KIF9: variants seen among roughly 807,000 people sequenced by gnomAD.
KIF9 encodes kinesin family member 9.
A neutral mutation model predicts 94.8 loss-of-function variants in KIF9; 68 were observed. The ratio of observed to expected loss-of-function variants is 0.72; its 90% CI spans 0.59 to 0.88. The LOEUF (loss-of-function observed/expected upper bound fraction) is 0.88. Among genes scored for constraint, KIF9 ranks in the 40% least tolerant of loss-of-function variants. The probability of loss-of-function intolerance (pLI) is 0.00; values close to 1 mark genes in which losing one functional copy is unlikely to be tolerated. For synonymous variants in KIF9, 343 were observed against 362.1 expected, an observed-to-expected ratio of 0.95 and a Z score of 0.60; for missense variants, 882 against 982.5, an observed-to-expected ratio of 0.90 and a Z score of 1.37.
intron 5 of KIF9, among the ~76,000 whole-genome samples, chr3:47,269,272 CACTTG>C (rs1302943922): frequency 6.6e-6 from 1 of 152,172 alleles, no homozygotes; most frequent in Admixed American, 6.5e-5. Flanking sequence ...GAATAACATA[CACTTG>C]ACTGATTTCT....
Position 47,265,745 on chromosome 3 carries a change from G to C in KIF9, c.901C>G (p.Leu301Val). ...PFRQCKLTHA[L>V]KDSLGGNCNM... ...ACCCCCTCACCTAACGAGTCCTTCA[G>C]AGCGTGGGTGAGCTTGCACTGCCGA... Residue 301 changes from leucine to valine, a missense_variant, in exon 8 of 21, where the codon CTG becomes GTG. Coordinates refer to ENST00000684063, the MANE Select transcript of KIF9 (RefSeq NM_182902.4). 6.2e-7 allele frequency: 1 copy of C among 1,614,186 alleles called. No homozygotes were observed. Among genetic ancestry groups the C allele is most frequent in the Non-Finnish European group, 8.5e-7 (1 of 1,180,026 alleles).
chr3:47,281,003 G>A, intron 1 of KIF9: 1 of 703,044 alleles, frequency 1.4e-6, no homozygotes, highest in Non-Finnish European at 2.6e-6. Context: ...GTGGGTTTCA[G>A]TTCCCAAAAT....
rs144401798 is a variant in KIF9, at chr3:47,277,306, C to A, written c.69G>T (p.Met23Ile). Residue 23 changes from methionine to isoleucine, a missense_variant, in exon 2 of 21, where the codon ATG becomes ATT. Met to Ile is a conservative substitution (Grantham distance 10). Transcript: ENST00000684063. ...CTCTTTTGTCATCTCCGTATCTGAT[C>A]ATTTCATGAGCAAAGTCATCGGTGG... is the stretch of plus-strand genomic sequence containing the variant. ...VKPTDDFAHE[M>I]IRYGDDKRSI... 3 of 1,613,832 alleles carry A rather than the reference C, an allele frequency of 1.9e-6. No homozygotes were observed. The highest frequency in any genetic ancestry group is 1.3e-5 in the African/African-American group (1 of 74,892).
At chr3:47,246,137 T>C (rs1032153398) in intron 13 of KIF9, 60 bp downstream of exon 13, 192 of 1,483,810 alleles carry the variant, frequency 1.3e-4, no homozygotes, top group Non-Finnish European at 2.2e-5. Context: ...AGTGCCCAGA[T>C]GGCAGGAGAT....
chr3:47,247,900 C>G (rs921964743), intron 11 of KIF9, 118 bp downstream of exon 11: 1 of 808,844 alleles, frequency 1.2e-6, no homozygotes, highest in African/African-American at 1.7e-5. Flanking sequence ...TGAGCCTGCC[C>G]CCCAACCCCG....
intron 1 of KIF9, among the ~76,000 whole-genome samples, 182 bp from the exon 2 acceptor site, chr3:47,277,561 T>C (rs1702060337): frequency 6.6e-6 from 1 of 152,164 alleles, no homozygotes; most frequent in African/African-American, 2.4e-5. Context: ...AAGACACTGC[T>C]CAACAAATAC....
intron 9 of KIF9, among the ~76,000 whole-genome samples, chr3:47,261,750 C>G (rs1700987237): frequency 6.6e-6 from 1 of 152,194 alleles, no homozygotes; most frequent in Non-Finnish European, 1.5e-5. Flanking sequence ...TGTATATGCG[C>G]TCTGTACAGA....
intron 1 of KIF9, among the ~76,000 whole-genome samples, chr3:47,280,450 T>C (rs914358392): frequency 1.3e-5 from 2 of 152,236 alleles, no homozygotes; most frequent in South Asian, 4.1e-4. Context: ...CTCACGCCTG[T>C]AATCCCAGCC....
rs1237372461 is a variant in KIF9 at position 47,273,542 on chromosome 3, C to T, written c.366+10G>A. 1.3e-6 allele frequency: 2 copies of T among 1,583,808 alleles called. No homozygotes were observed. The highest frequency in any genetic ancestry group is 1.3e-5 in the African/African-American group (1 of 74,360). ...CTGTGTGGCATCCCACCCTTGGGCC[C>T]ACTCTCTACCTGCTGCAGGGCACGA... On this transcript the variant is annotated intron_variant, in intron 4 of 20. Coordinates refer to ENST00000684063, the MANE Select transcript of KIF9 (RefSeq NM_182902.4).
intron 15 of KIF9, chr3:47,244,586 T>C (rs1699799736): frequency 6.4e-6 from 4 of 623,024 alleles, no homozygotes; most frequent in South Asian, 3.9e-5. Context: ...ACCAGGTTGC[T>C]GTGAGGACGA....
rs765925634 is a variant in KIF9, at chr3:47,236,166, A to C, written c.2102-17T>G. ...TGTCAAATTCTACAAGGAGGTGAGG[A>C]GACAGAACTTGAGGAAGCCGGTAAG... On this transcript the variant is annotated splice_polypyrimidine_tract_variant and intron_variant, in intron 18 of 20. Transcript: ENST00000684063. The C allele has an allele frequency of 1.3e-6, 2 of 1,584,240 alleles. No individual in the cohort carries two copies. Among genetic ancestry groups the C allele is most frequent in the South Asian group, 2.2e-5 (2 of 90,482 alleles).
intron 10 of KIF9, among the ~76,000 whole-genome samples, chr3:47,249,757 T>A (rs999028409): frequency 2.6e-5 from 4 of 152,162 alleles, no homozygotes; most frequent in African/African-American, 9.7e-5. Context: ...CCACAATTAC[T>A]CTTTAAAATT....
chr3:47,277,692 A>T (rs1426597606), intron 1 of KIF9, among the ~76,000 whole-genome samples: 1 of 152,192 alleles, frequency 6.6e-6, no homozygotes, highest in Admixed American at 6.5e-5. Flanking sequence ...ATTTCTAGAA[A>T]TGTTCTGCAA....
chr3:47,239,453 G>A (rs553113017), intron 17 of KIF9: 51 of 578,940 alleles, frequency 8.8e-5, no homozygotes, highest in Middle Eastern at 8.5e-4. Flanking sequence ...ACCATCACTG[G>A]CCTTCTCCAG....
chr3:47,241,051 G>A (rs1699441570), intron 16 of KIF9, 36 bp from the exon 17 acceptor site: 9 of 1,587,966 alleles, frequency 5.7e-6, no homozygotes, highest in South Asian at 2.2e-5. Context: ...GAGGATAAAT[G>A]AGGTGGCTGC....
chr3:47,249,983 A>C (rs1700164451), intron 10 of KIF9, among the ~76,000 whole-genome samples: 2 of 152,064 alleles, frequency 1.3e-5, no homozygotes, highest in Non-Finnish European at 1.5e-5. Context: ...CGGGAGACAG[A>C]GGTTGCAGTA....
chr3:47,257,358 G>A (rs1425801690), intron 10 of KIF9, 125 bp downstream of exon 10: 2 of 823,988 alleles, frequency 2.4e-6, no homozygotes, highest in Admixed American at 1.9e-5. Flanking sequence ...GTGGAAAAGG[G>A]CTGACCCAGG....
intron 9 of KIF9, among the ~76,000 whole-genome samples, chr3:47,257,987 C>A (rs1700728061): frequency 6.6e-6 from 1 of 152,102 alleles, no homozygotes; most frequent in Non-Finnish European, 1.5e-5. Context: ...CCTGGTTTTC[C>A]TTCACATGAA....
chr3:47,255,434 C>T (rs866730976), intron 10 of KIF9, among the ~76,000 whole-genome samples: 14 of 152,154 alleles, frequency 9.2e-5, no homozygotes, highest in Admixed American at 2.6e-4. Context: ...AGTGACATAG[C>T]GAGGTGATTC....
Sources: allele counts gnomAD v4.1 joint callset (sites outside exome capture counted in the v4.1 genomes callset), GRCh38; gene constraint gnomAD v4.1.1; transcripts MANE v1.5; gene names NCBI Gene and HGNC (gene_info 2026-07-23, HGNC 2026-07-21).